FOXP2: variants seen among roughly 807,000 people sequenced by gnomAD.
FOXP2 encodes the protein forkhead box P2, also known as forkhead box protein P2.
In FOXP2, 12 loss-of-function variants were observed where a neutral mutation model predicts 115.8. That is an observed-to-expected ratio of 0.10 (90% CI 0.07 to 0.17). FOXP2 has a LOEUF of 0.17. FOXP2 is among the 10% of genes least tolerant of loss of function. FOXP2 has a pLI of 1.00. For missense variants in FOXP2, 629 were observed against 843.5 expected (o/e 0.75, Z 3.15); for synonymous variants, 328 against 297.7 (o/e 1.10, Z -1.05).
At chr7:114,550,338 G>C (rs761279174) in intron 3 of FOXP2, among the ~76,000 whole-genome samples, 1 of 151,802 alleles carries the variant, frequency 6.6e-6, no homozygotes, top group Non-Finnish European at 1.5e-5. Flanking sequence ...GGATGGTCTC[G>C]ATCCCTTGAC....
In FOXP2 at chr7:114,693,079, C is replaced by A. The variant is rs1808758275; in HGVS notation, c.*3153C>A. The A allele has an allele frequency of 2.2e-6, 1 of 453,794 alleles. No individual in the cohort carries two copies. Among genetic ancestry groups the A allele is most frequent in the Non-Finnish European group, 4.4e-6 (1 of 226,682 alleles). The allele number at this position is 453,794 out of a possible 1,614,324, so 28.1% of individuals were successfully genotyped here. On this transcript the variant is annotated 3_prime_UTR_variant, in exon 17 of 17. Coordinates refer to ENST00000350908, the MANE Select transcript of FOXP2 (RefSeq NM_014491.4). ...GTTTTAGTCTACAAAGACACAATTG[C>A]TTAAACCTAGTGGGCTTAAGGCTTA... is the stretch of plus-strand genomic sequence containing the variant.
At chr7:114,174,830 T>C (rs1373563067) in intron 1 of FOXP2, among the ~76,000 whole-genome samples, 5 of 152,122 alleles carry the variant, frequency 3.3e-5, no homozygotes, top group Non-Finnish European at 7.4e-5. Flanking sequence ...TTTATCTTTG[T>C]AGAATAGTAA....
intron 2 of FOXP2, among the ~76,000 whole-genome samples, chr7:114,355,605 T>C (rs1018115253): frequency 6.6e-6 from 1 of 152,124 alleles, no homozygotes; most frequent in Non-Finnish European, 1.5e-5. Flanking sequence ...TGAAACATGT[T>C]ACAGAGCTGC....
At chr7:114,595,136 G>A (rs573718900) in intron 3 of FOXP2, among the ~76,000 whole-genome samples, 4 of 151,870 alleles carry the variant, frequency 2.6e-5, no homozygotes, top group South Asian at 2.1e-4. Flanking sequence ...TGATTATATC[G>A]TACATGACCT....
intron 3 of FOXP2, among the ~76,000 whole-genome samples, chr7:114,589,171 C>T (rs987757228): frequency 2.6e-5 from 4 of 152,078 alleles, no homozygotes; most frequent in South Asian, 2.1e-4. Context: ...TTCTGTTCCC[C>T]GGATTGTCTG....
rs1171046291 is a variant in FOXP2 at position 114,689,706 on chromosome 7, C to T, written c.2004-76C>T. ...GTCTTCTTGCCTTTTTTCAGTTGAC[C>T]TCTTCACTGCAAAGTTGGCCAAACT... On this transcript the variant is annotated intron_variant, in intron 16 of 16. Transcript: ENST00000350908. The T allele has an allele frequency of 5.3e-6, 8 of 1,505,710 alleles. No individual in the cohort carries two copies. The African/African-American group carries it at 8.3e-5, about 16-fold the overall frequency. The allele number at this position is 1,505,710 out of a possible 1,614,324, so 93.3% of individuals were successfully genotyped here.
intron 2 of FOXP2, among the ~76,000 whole-genome samples, chr7:114,529,305 C>A (rs1799025646): frequency 6.6e-6 from 1 of 151,766 alleles, no homozygotes; most frequent in South Asian, 2.1e-4. Flanking sequence ...ATGAAATATA[C>A]TGAATATTGG....
In FOXP2 at chr7:114,243,317, A is replaced by G. The variant is rs375299159; in HGVS notation, c.-101-44702A>G. On this transcript the variant is annotated intron_variant, in intron 1 of 17. Coordinates refer to the FOXP2 transcript ENST00000634411. ...TTGAAGTTTAAGGGGAAAGAGAGGT[A>G]TAATAAAGAGGAACAGAGCACCCAA... Among the ~76,000 whole-genome samples, 7 of 152,098 alleles carry G rather than the reference A, an allele frequency of 4.6e-5. No homozygotes were observed. The East Asian group carries it at 1.4e-3, about 29-fold the overall frequency.
chr7:114,395,547 A>G (rs2129195298), intron 2 of FOXP2, among the ~76,000 whole-genome samples: 2 of 152,280 alleles, frequency 1.3e-5, no homozygotes, highest in East Asian at 3.9e-4. Context: ...GATAAAGAGA[A>G]AGCAAGGAAT....
chr7:114,163,560 C>T (rs1270076504), intron 1 of FOXP2, among the ~76,000 whole-genome samples: 1 of 151,990 alleles, frequency 6.6e-6, no homozygotes, highest in Non-Finnish European at 1.5e-5. Context: ...CTGAATTGAA[C>T]TGAATTTTTA....
intron 3 of FOXP2, among the ~76,000 whole-genome samples, chr7:114,544,494 A>G (rs540018417): frequency 1.3e-5 from 2 of 152,210 alleles, no homozygotes; most frequent in Non-Finnish European, 2.9e-5. Flanking sequence ...AATACACAGA[A>G]AATTCCTTTG....
At position 114,690,798 on chromosome 7, in the gene FOXP2, C is replaced by T. The variant is rs1192603807; in HGVS notation, c.*872C>T. The T allele has an allele frequency of 4.4e-6, 2 of 454,400 alleles. No homozygotes were observed. The highest frequency in any genetic ancestry group is 4.4e-6 in the Non-Finnish European group (1 of 226,790). The allele number at this position is 454,400 out of a possible 1,614,324, so 28.1% of individuals were successfully genotyped here. ...AAGAGCTCAAGGACAGAAGCAGCCA[C>T]ATGCTTTGGTCAGCCTTCTGTAACT... On this transcript the variant is annotated 3_prime_UTR_variant, in exon 17 of 17. Transcript: ENST00000350908.
intron 1 of FOXP2, among the ~76,000 whole-genome samples, chr7:114,110,035 T>A (rs1791223621): frequency 6.6e-6 from 1 of 152,136 alleles, no homozygotes; most frequent in South Asian, 2.1e-4. Context: ...ATAAGTAAAG[T>A]TCCACATTTT....
chr7:114,421,696 A>G (rs1793629111), intron 1 of FOXP2, among the ~76,000 whole-genome samples: 1 of 151,856 alleles, frequency 6.6e-6, no homozygotes, highest in South Asian at 2.1e-4. Flanking sequence ...ATCCTGCTTC[A>G]GTTTTTAAAA....
intron 1 of FOXP2, among the ~76,000 whole-genome samples, chr7:114,276,348 A>T (rs901839700): frequency 1.3e-5 from 2 of 152,014 alleles, no homozygotes; most frequent in African/African-American, 4.8e-5. Context: ...TATTTTTAGT[A>T]GACACAGGGT....
At chr7:114,474,775 A>T (rs979059839) in intron 2 of FOXP2, among the ~76,000 whole-genome samples, 4 of 152,122 alleles carry the variant, frequency 2.6e-5, no homozygotes, top group Non-Finnish European at 5.9e-5. Context: ...TGCTATTTAT[A>T]TCTACTTTTT....
At chr7:114,422,465 C>T (rs564882624) in intron 1 of FOXP2, among the ~76,000 whole-genome samples, 10 of 151,704 alleles carry the variant, frequency 6.6e-5, no homozygotes, top group African/African-American at 2.2e-4. Flanking sequence ...AAAGTAGAGG[C>T]TATTTTTATC....
At chr7:114,653,815 C>A in intron 9 of FOXP2, 111 bp from the exon 10 acceptor site, 1 of 1,194,324 alleles carries the variant, frequency 8.4e-7, no homozygotes, top group Non-Finnish European at 1.2e-6. Flanking sequence ...CAGACTTTTA[C>A]ATGCAGGAAT....
intron 3 of FOXP2, among the ~76,000 whole-genome samples, chr7:114,583,926 A>G (rs1249767874): frequency 1.3e-5 from 2 of 152,178 alleles, no homozygotes; most frequent in African/African-American, 4.8e-5. Context: ...CCTTAACTAA[A>G]GTTTTGGTCA....
Sources: gnomAD v4.1 joint callset for allele counts (sites outside exome capture counted in the v4.1 genomes callset) on GRCh38, gnomAD v4.1.1 for gene constraint, MANE v1.5 for transcripts, NCBI Gene and HGNC (gene_info 2026-07-23, HGNC 2026-07-21) for gene names.